SLC4A4: variants seen among roughly 807,000 people sequenced by gnomAD.
SLC4A4 encodes the protein solute carrier family 4 member 4.
In SLC4A4, 27 loss-of-function variants were observed where a neutral mutation model predicts 111.5. The observed-to-expected ratio is 0.24, with a 90% CI of 0.18 to 0.33. The LOEUF (loss-of-function observed/expected upper bound fraction) is 0.33, where lower values mean the gene tolerates loss of function less well. SLC4A4 is among the 10% of genes least tolerant of loss of function. The pLI, the probability that SLC4A4 is intolerant of heterozygous loss-of-function variation, is 1.00. For synonymous variants in SLC4A4, 443 were observed against 463.4 expected (o/e 0.96, Z 0.57); for missense variants, 909 against 1,315.5 (o/e 0.69, Z 4.78).
intron 7 of SLC4A4, among the ~76,000 whole-genome samples, chr4:71,419,149 G>C (rs1453351093): frequency 6.6e-6 from 1 of 152,210 alleles, no homozygotes; most frequent in Non-Finnish European, 1.5e-5. Context: ...AGGGGTCAGG[G>C]ACACACTTGA....
intron 6 of SLC4A4, among the ~76,000 whole-genome samples, chr4:71,367,942 C>A (rs946865218): frequency 2.0e-5 from 3 of 152,176 alleles, no homozygotes; most frequent in African/African-American, 7.2e-5. Flanking sequence ...GACCATTTGT[C>A]TCCCCTGTTG....
chr4:71,249,925 G>T (rs568928070), intron 2 of SLC4A4, among the ~76,000 whole-genome samples: 6 of 152,026 alleles, frequency 3.9e-5, no homozygotes, highest in South Asian at 2.1e-4. Context: ...AAGTGTTTAG[G>T]ATTATACATA....
At chr4:71,201,920 G>A (rs1746273943) in intron 1 of SLC4A4, among the ~76,000 whole-genome samples, 2 of 152,160 alleles carry the variant, frequency 1.3e-5, no homozygotes, top group Admixed American at 1.3e-4. Flanking sequence ...AAAAGTTTTA[G>A]GAGTATGTGT....
chr4:71,499,287 A>T (rs1730691762), intron 16 of SLC4A4, among the ~76,000 whole-genome samples: 1 of 152,152 alleles, frequency 6.6e-6, no homozygotes, highest in African/African-American at 2.4e-5. Context: ...CTTTGAGATG[A>T]ATGGAGATCC....
intron 16 of SLC4A4, among the ~76,000 whole-genome samples, chr4:71,519,986 G>T (rs1159830380): frequency 6.6e-6 from 1 of 152,134 alleles, no homozygotes; most frequent in East Asian, 1.9e-4. Flanking sequence ...GCCAAAATAT[G>T]TTTTAATTTA....
At chr4:71,483,400 C>T (rs756689396) in intron 14 of SLC4A4, among the ~76,000 whole-genome samples, 23 of 151,954 alleles carry the variant, frequency 1.5e-4, no homozygotes, top group Non-Finnish European at 1.3e-4. Context: ...ATTTAGCTCT[C>T]ATTCATAAGT....
At chr4:71,497,436 G>C (rs952267296) in intron 15 of SLC4A4, 65 bp from the exon 16 acceptor site, 4 of 1,324,426 alleles carry the variant, frequency 3.0e-6, no homozygotes, top group Non-Finnish European at 4.3e-6. Flanking sequence ...AGCTCATCAA[G>C]TATCAAAGGC....
chr4:71,065,604 A>G (rs1741498568), intron 1 of SLC4A4, among the ~76,000 whole-genome samples: 1 of 152,220 alleles, frequency 6.6e-6, no homozygotes, highest in Admixed American at 6.5e-5. Flanking sequence ...TAATCCCAGA[A>G]CAAAGGGTAC....
intron 2 of SLC4A4, among the ~76,000 whole-genome samples, chr4:71,240,471 T>C (rs1470383339): frequency 1.3e-5 from 2 of 152,196 alleles, no homozygotes; most frequent in Admixed American, 6.6e-5. Flanking sequence ...GCTTGGTCAG[T>C]ACTCTCCTAG....
In SLC4A4 at chr4:71,497,667, A is replaced by G. The variant is rs1730537599; in HGVS notation, c.2141A>G (p.Lys714Arg). Residue 714 changes from lysine to arginine, a missense_variant, in exon 16 of 26, where the codon AAA (lysine) becomes AGA (arginine). Coordinates refer to ENST00000264485, the MANE Select transcript of SLC4A4 (RefSeq NM_001098484.3). ...YTSSMALKKF[K>R]TSPYFPTTAR... The stretch of plus-strand genomic sequence containing the variant: ...TCTTCCATGGCTCTGAAAAAATTCA[A>G]AACTAGTCCTTATTTTCCAACCACA... The G allele has an allele frequency of 2.5e-6, 4 of 1,613,366 alleles. No homozygotes were observed. The highest frequency in any genetic ancestry group is 1.6e-4 in the Middle Eastern group (1 of 6,080).
chr4:71,466,878 T>TG (rs1319988244), intron 13 of SLC4A4, among the ~76,000 whole-genome samples: 2 of 151,132 alleles, frequency 1.3e-5, no homozygotes, highest in African/African-American at 4.8e-5. Context: ...CATGCCCCTT[T>TG]GCCTTCTGGC....
At chr4:71,176,297 T>C (rs188194954) in intron 2 of SLC4A4, among the ~76,000 whole-genome samples, 23 of 152,312 alleles carry the variant, frequency 1.5e-4, no homozygotes, top group Non-Finnish European at 2.2e-4. Flanking sequence ...GGAATGCAGC[T>C]CCTCACTAGC....
chr4:71,249,967 A>G (rs772411258), intron 2 of SLC4A4, among the ~76,000 whole-genome samples: 13 of 152,116 alleles, frequency 8.5e-5, no homozygotes, highest in Middle Eastern at 3.2e-3. Context: ...AAAAGTGTCA[A>G]CCACACAGTG....
chr4:71,363,284 C>T (rs1730963831), intron 6 of SLC4A4, among the ~76,000 whole-genome samples: 1 of 152,194 alleles, frequency 6.6e-6, no homozygotes, highest in African/African-American at 2.4e-5. Flanking sequence ...TGGGCTCTTG[C>T]TGCATTGGAT....
Position 71,080,552 on chromosome 4 carries a change from A to G in SLC4A4, c.-64-12178A>G, listed in dbSNP as rs561947695. ...GTTGCTGGACAATTTTCAGCATCAC[A>G]TCAGAATGGTCTCAGGTGTTTTCCC... On this transcript the variant is annotated intron_variant, in intron 1 of 26. Transcript: ENST00000649996. Among the ~76,000 whole-genome samples the G allele has an allele frequency of 4.6e-5, 7 of 152,212 alleles. No individual in the cohort carries two copies. The South Asian group carries it at 1.2e-3, about 27-fold the overall frequency.
intron 10 of SLC4A4, 116 bp from the exon 11 acceptor site, chr4:71,451,072 A>ATT (rs1725719804): frequency 5.4e-6 from 4 of 737,434 alleles, no homozygotes; most frequent in Non-Finnish European, 7.4e-6. Context: ...AAGAAATAAC[A>ATT]ATCTTTCACC....
chr4:71,282,189 A>G (rs1281543489), intron 3 of SLC4A4, among the ~76,000 whole-genome samples: 6 of 152,196 alleles, frequency 3.9e-5, no homozygotes, highest in Non-Finnish European at 8.8e-5. Context: ...AATTAAAAGT[A>G]GGCCCTGTGA....
intron 16 of SLC4A4, among the ~76,000 whole-genome samples, chr4:71,522,455 T>C (rs1372760676): frequency 6.6e-6 from 1 of 152,034 alleles, no homozygotes; most frequent in Non-Finnish European, 1.5e-5. Flanking sequence ...AGGATTGGGG[T>C]TAGTAGAAAT....
rs1725962455 is a variant in SLC4A4 at position 71,453,653 on chromosome 4, C to T, written c.1481C>T (p.Ala494Val). ...ACTTTTGGAGGACTGCTTGGGGATG[C>T]CACTGACAACATGCAGGTGGGTATG... ...AITFGGLLGD[A>V]TDNMQGVLES... Residue 494 changes from alanine (A) to valine (V), a missense_variant, in exon 12 of 26, where the codon GCC becomes GTC. Physicochemically the swap from Ala to Val is moderately conservative, Grantham distance 64. This residue lies in a region of SLC4A4 where 23 missense variants were observed against 77.7 expected (regional missense o/e 0.30). Coordinates refer to ENST00000264485, the MANE Select transcript of SLC4A4 (RefSeq NM_001098484.3). The T allele has an allele frequency of 6.2e-7, 1 of 1,613,706 alleles. No individual in the cohort carries two copies. Among genetic ancestry groups the T allele is most frequent in the African/African-American group, 1.3e-5 (1 of 74,886 alleles).
Sources: allele counts gnomAD v4.1 joint callset (sites outside exome capture counted in the v4.1 genomes callset), GRCh38; gene constraint gnomAD v4.1.1; regional missense constraint gnomAD v4.1.1; transcripts MANE v1.5; gene names NCBI Gene and HGNC (gene_info 2026-07-23, HGNC 2026-07-21).